SHPK: variants seen among roughly 807,000 people sequenced by gnomAD.
The protein encoded by SHPK is sedoheptulokinase, also known as carbohydrate kinase-like protein.
SHPK carries 51 observed loss-of-function variants against 46.3 expected under a neutral mutation model. The ratio of observed to expected loss-of-function variants is 1.10; its 90% CI spans 0.88 to 1.39. The LOEUF is 1.39. Ranked by LOEUF, SHPK falls within the 40% of genes most tolerant of loss-of-function variation. The pLI is 0.00. For synonymous variants in SHPK, 290 were observed against 273.9 expected (o/e 1.06, Z -0.58); for missense variants, 668 against 641.3 (o/e 1.04, Z -0.45).
chr17:3,611,796 G>A (rs1049674126), intron 6 of SHPK, among the ~76,000 whole-genome samples: 6 of 134,454 alleles, frequency 4.5e-5, no homozygotes, highest in Non-Finnish European at 6.1e-5. Context: ...TTAGCTCTGC[G>A]GGTTTTTTTT....
chr17:3,629,252 G>A (rs1275946121), intron 2 of SHPK, among the ~76,000 whole-genome samples: 1 of 152,100 alleles, frequency 6.6e-6, no homozygotes, highest in African/African-American at 2.4e-5. Context: ...AGGTTGTTGG[G>A]AATATCCGAC....
chr17:3,633,479 A>G (rs933701107), intron 1 of SHPK, among the ~76,000 whole-genome samples: 1 of 151,876 alleles, frequency 6.6e-6, no homozygotes, highest in Non-Finnish European at 1.5e-5. Context: ...TATGCAGCCC[A>G]AAATGTCAGC....
chr17:3,619,314 C>T (rs2075386170), intron 5 of SHPK: 1 of 1,034,974 alleles, frequency 9.7e-7, no homozygotes. Context: ...TTTGATCAGT[C>T]CACCACAGTT....
At chr17:3,630,840 G>C (rs925166022) in intron 1 of SHPK, among the ~76,000 whole-genome samples, 1 of 152,144 alleles carries the variant, frequency 6.6e-6, no homozygotes, top group Non-Finnish European at 1.5e-5. Flanking sequence ...CTCCAGCCTG[G>C]GTGACAAAGT....
chr17:3,611,066 A>G, intron 6 of SHPK, 94 bp from the exon 7 acceptor site: 1 of 1,186,518 alleles, frequency 8.4e-7, no homozygotes, highest in Non-Finnish European at 1.2e-6. Flanking sequence ...GAACAGCGCT[A>G]CTTGCTGCTT....
chr17:3,614,847 C>CAA (rs35009244), intron 6 of SHPK, among the ~76,000 whole-genome samples: 34 of 91,812 alleles, frequency 3.7e-4, no homozygotes, highest in East Asian at 1.5e-3. Flanking sequence ...GACTCCGTCT[C>CAA]AAAAAAAAAA....
rs180803959 is a variant in SHPK at position 3,615,103 on chromosome 17, G to A, written c.1024+234C>T. Among the ~76,000 whole-genome samples, 42 of 152,220 alleles carry A rather than the reference G, an allele frequency of 2.8e-4. No homozygotes were observed. In the East Asian group the frequency reaches 6.6e-3, roughly 24 times the overall value. On this transcript the variant is annotated intron_variant, in intron 6 of 6. Transcript: ENST00000225519. ...GTTAGGAAGGTTCACAGTCAAGGTT[G>A]GGGGAAGGGTGCCTGACCCAAAGAA...
chr17:3,625,988 G>C (rs966844908), intron 2 of SHPK, among the ~76,000 whole-genome samples: 1 of 152,174 alleles, frequency 6.6e-6, no homozygotes, highest in Middle Eastern at 3.2e-3. Flanking sequence ...AGTAGGCGGA[G>C]GTTGCAGTGA....
At position 3,636,048 on chromosome 17, in the gene SHPK, T is replaced by C. The variant is rs2075522633; in HGVS notation, c.168+4A>G. 3 of 1,549,124 alleles carry C rather than the reference T, an allele frequency of 1.9e-6. No homozygotes were observed. The highest frequency in any genetic ancestry group is 2.6e-6 in the Non-Finnish European group (3 of 1,150,560). On this transcript the variant is annotated splice_donor_region_variant and intron_variant, in intron 1 of 6. Transcript: ENST00000225519. ...GGCGGCGCGGCCCCGGGGGTCCAACTCACCTGGGGCCCGGCCACCGCGCTC... is the reference window on the plus strand; with the variant it reads ...GGCGGCGCGGCCCCGGGGGTCCAACCCACCTGGGGCCCGGCCACCGCGCTC...
intron 2 of SHPK, among the ~76,000 whole-genome samples, chr17:3,625,315 A>G (rs1288222806): frequency 6.6e-6 from 1 of 152,140 alleles, no homozygotes; most frequent in Non-Finnish European, 1.5e-5. Context: ...CACCTTGGTG[A>G]CGTGCTTGAC....
At chr17:3,618,053 G>A (rs1343900740) in intron 5 of SHPK, among the ~76,000 whole-genome samples, 2 of 152,188 alleles carry the variant, frequency 1.3e-5, no homozygotes, top group Non-Finnish European at 2.9e-5. Context: ...CAGAGTGCTA[G>A]GAGTCTGGTG....
intron 2 of SHPK, among the ~76,000 whole-genome samples, chr17:3,626,920 T>A (rs1251777557): frequency 1.3e-5 from 2 of 151,788 alleles, no homozygotes; most frequent in Non-Finnish European, 2.9e-5. Flanking sequence ...ATAAAAAAAA[T>A]ACCAGTTTTC....
At chr17:3,624,309 G>C in intron 2 of SHPK, 78 bp from the exon 3 acceptor site, 1 of 1,314,750 alleles carries the variant, frequency 7.6e-7, no homozygotes, top group East Asian at 2.4e-5. Flanking sequence ...CTACTCTGCT[G>C]GTGAGTGACA....
chr17:3,616,826 C>T (rs891804894), intron 5 of SHPK, among the ~76,000 whole-genome samples: 3 of 152,222 alleles, frequency 2.0e-5, no homozygotes, highest in Non-Finnish European at 4.4e-5. Context: ...CAACCTCTGC[C>T]TCCCAGGTTC....
intron 2 of SHPK, among the ~76,000 whole-genome samples, chr17:3,624,890 G>A (rs1009361374): frequency 1.3e-5 from 2 of 152,084 alleles, no homozygotes; most frequent in East Asian, 3.9e-4. Flanking sequence ...CCTGAGCTCA[G>A]GCAATCCACC....
At position 3,610,560 on chromosome 17, in the gene SHPK, C is replaced by G; in HGVS notation, c.1437G>C (p.Ter479TyrextTer11). ...LRRHLNQKES[*>Y] ...GTCGTTTGGCGAAAGAGTTTGCTGT[C>G]TAAGATTCCTTCTGGTTGAGGTGTC... is the stretch of plus-strand genomic sequence containing the variant. Residue 479 changes from the stop codon to tyrosine, a stop_lost, in exon 7 of 7, where the codon TAG becomes TAC. Coordinates refer to ENST00000225519, the MANE Select transcript of SHPK (RefSeq NM_013276.4). 1 of 1,595,572 alleles carries G rather than the reference C, an allele frequency of 6.3e-7. No individual in the cohort carries two copies. The highest frequency in any genetic ancestry group is 1.1e-5 in the South Asian group (1 of 90,250).
intron 4 of SHPK, among the ~76,000 whole-genome samples, chr17:3,621,677 G>A (rs970965213): frequency 8.0e-6 from 1 of 124,432 alleles, no homozygotes; most frequent in African/African-American, 2.8e-5. Flanking sequence ...TTTTGAGATG[G>A]AGTCTTGCTC....
chr17:3,628,922 G>T (rs1438938082), intron 2 of SHPK, among the ~76,000 whole-genome samples: 1 of 152,118 alleles, frequency 6.6e-6, no homozygotes, highest in Non-Finnish European at 1.5e-5. Flanking sequence ...AAAGTGTTGG[G>T]ATTTACAGGT....
At chr17:3,619,438 A>G in intron 5 of SHPK, 1 of 1,493,516 alleles carries the variant, frequency 6.7e-7, no homozygotes, top group African/African-American at 1.4e-5. Context: ...GCCTGATTAA[A>G]AATTTGGACG....
Sources: gnomAD v4.1 joint callset for allele counts (sites outside exome capture counted in the v4.1 genomes callset) on GRCh38, gnomAD v4.1.1 for gene constraint, MANE v1.5 for transcripts, NCBI Gene and HGNC (gene_info 2026-07-23, HGNC 2026-07-21) for gene names.